Variants in DUSP8 observed in about 807,000 individuals in gnomAD.
DUSP8 encodes dual specificity protein phosphatase 8.
In DUSP8, 15 loss-of-function variants were observed where a neutral mutation model predicts 38.7. The observed-to-expected ratio is 0.39, with a 90% CI of 0.26 to 0.60. The LOEUF (loss-of-function observed/expected upper bound fraction) is 0.60. Among genes scored for constraint, DUSP8 ranks in the 20% least tolerant of loss-of-function variants. The probability of loss-of-function intolerance (pLI) is 0.56; values close to 1 mark genes in which losing one functional copy is unlikely to be tolerated. For synonymous variants in DUSP8, 458 were observed against 433.9 expected, an observed-to-expected ratio of 1.06 and a Z score of -0.69; for missense variants, 768 against 915.0, an observed-to-expected ratio of 0.84 and a Z score of 2.07.
rs758312848 is a variant in DUSP8 at position 1,558,301 on chromosome 11, G to C, written c.538-30C>G. On this transcript the variant is annotated intron_variant, in intron 4 of 6. Coordinates refer to ENST00000397374, the MANE Select transcript of DUSP8 (RefSeq NM_004420.3). The surrounding 1 kb of genome is among the most constrained non-coding windows in gnomAD (Gnocchi z 6.3). ...AGGGGCGGGAGGGCGGGTTGGAAAG[G>C]GGTGGGAGAAGCTCGGGGCGGGAGT... The C allele has an allele frequency of 1.4e-6, 2 of 1,468,380 alleles. No homozygotes were observed. The highest frequency in any genetic ancestry group is 1.9e-6 in the Non-Finnish European group (2 of 1,078,340). The allele number at this position is 1,468,380 out of a possible 1,614,324, so 91.0% of individuals were successfully genotyped here.
At chr11:1,559,643 C>T (rs1848688281) in intron 3 of DUSP8, among the ~76,000 whole-genome samples, 1 of 152,232 alleles carries the variant, frequency 6.6e-6, no homozygotes, top group Non-Finnish European at 1.5e-5. Context: ...TGACATCACC[C>T]TGGCACAGCC....
chr11:1,566,507 A>G (rs948829093), intron 1 of DUSP8, among the ~76,000 whole-genome samples: 9 of 152,198 alleles, frequency 5.9e-5, no homozygotes, highest in African/African-American at 1.9e-4. Flanking sequence ...TCCACTGGAG[A>G]GTGGGCTCCC....
At position 1,557,692 on chromosome 11, in the gene DUSP8, G is replaced by C; in HGVS notation, c.821+102C>G. 8 of 1,574,176 alleles carry C rather than the reference G, an allele frequency of 5.1e-6. No individual in the cohort carries two copies. The highest frequency in any genetic ancestry group is 6.9e-6 in the Non-Finnish European group (8 of 1,158,698). On this transcript the variant is annotated intron_variant, in intron 6 of 6. Transcript: ENST00000397374. The surrounding 1 kb of genome is among the most constrained non-coding windows in gnomAD (Gnocchi z 9.9). ...GGCTGGTCTCAGGCCCTCCTCCCTT[G>C]CCACGGGTCCTGGACGGTGGGGTCA...
At chr11:1,572,590 CG>C (rs1347875055), upstream of DUSP8, among the ~76,000 whole-genome samples, 2 of 151,548 alleles carry the variant, frequency 1.3e-5, no homozygotes, top group Admixed American at 6.6e-5. This position sits in a 1 kb window ranked among gnomAD's most constrained non-coding sequence, Gnocchi z 4.7. Context: ...CCCCGTCACC[CG>C]GGCCCCCGGC....
rs1163273469 is a variant in DUSP8, at chr11:1,556,839, C to T, written c.1557G>A (p.Ser519=). 5.2e-6 allele frequency: 6 copies of T among 1,148,624 alleles called. No homozygotes were observed. In the African/African-American group the frequency reaches 9.8e-5, roughly 19 times the overall value. The allele number at this position is 1,148,624 out of a possible 1,614,324, so 71.2% of individuals were successfully genotyped here. The part of the protein sequence containing the change: ...APPLDSPGTP[S]PDGPWCFSPE... ...GGCTGAAGCACCAGGGCCCGTCGGG[C>T]GACGGCGTGCCTGGGGAGTCGAGCG... Residue 519 remains serine, a synonymous_variant, in exon 7 of 7, where the codon TCG becomes TCA. Transcript: ENST00000397374. This position sits in a 1 kb window ranked among gnomAD's most constrained non-coding sequence, Gnocchi z 5.2.
chr11:1,557,080 C>A lies in DUSP8; in HGVS notation c.1316G>T (p.Ser439Ile), dbSNP rs1357789462. ...AGGCGCGGCGTCCGGGCTGTCCGGG[C>A]TGGGCGAGGACAGGCCCAGCGCGGC... ...SGAALGLSSP[S>I]PDSPDAAPEA... The change falls in exon 7 of 7, where the codon AGC becomes ATC. Residue 439 changes from serine (S) to isoleucine (I), a missense_variant. Coordinates refer to ENST00000397374, the MANE Select transcript of DUSP8 (RefSeq NM_004420.3). This position sits in a 1 kb window ranked among gnomAD's most constrained non-coding sequence, Gnocchi z 9.9. The A allele has an allele frequency of 1.6e-6, 2 of 1,273,220 alleles. No individual in the cohort carries two copies. The highest frequency in any genetic ancestry group is 9.9e-7 in the Non-Finnish European group (1 of 1,010,918). The allele number at this position is 1,273,220 out of a possible 1,614,324, so 78.9% of individuals were successfully genotyped here. A position where few individuals can be genotyped will look rare whatever the true frequency, so the allele number is the denominator to read the frequency against.
At chr11:1,567,339 C>T (rs1275579105) in intron 1 of DUSP8, among the ~76,000 whole-genome samples, 1 of 152,236 alleles carries the variant, frequency 6.6e-6, no homozygotes, top group Non-Finnish European at 1.5e-5. Context: ...CCATGCACTG[C>T]AAACAGCAGG....
rs1848586240 is a variant in DUSP8, at chr11:1,554,316, T to C, written c.*2202A>G. 1 of 152,342 alleles carries C rather than the reference T, an allele frequency of 6.6e-6. No homozygotes were observed. The highest frequency in any genetic ancestry group is 6.5e-5 in the Admixed American group (1 of 15,282). The allele number at this position is 152,342 out of a possible 1,614,324, so 9.4% of individuals were successfully genotyped here. Reference sequence around the variant, plus strand: ...CAGGTGGGAGGGGCCGGAGAGAGGCTTGGAGAGGACTCAGGGCTGGGTCAG... The same window carrying C: ...CAGGTGGGAGGGGCCGGAGAGAGGCCTGGAGAGGACTCAGGGCTGGGTCAG... On this transcript the variant is annotated 3_prime_UTR_variant, in exon 7 of 7. Coordinates refer to ENST00000397374, the MANE Select transcript of DUSP8 (RefSeq NM_004420.3).
In DUSP8 at chr11:1,558,641, G is replaced by A. The variant is rs1293547606; in HGVS notation, c.537+248C>T. ...GAGGCCCAGTGACATCCGCAGCTTG[G>A]CATGCCAGCTCCCCGCTCCTCCCCC... On this transcript the variant is annotated intron_variant, in intron 4 of 6. Coordinates refer to ENST00000397374, the MANE Select transcript of DUSP8 (RefSeq NM_004420.3). The surrounding 1 kb of genome is among the most constrained non-coding windows in gnomAD (Gnocchi z 6.3). Among the ~76,000 whole-genome samples, 2 of 152,136 alleles carry A rather than the reference G, an allele frequency of 1.3e-5. No homozygotes were observed. Among genetic ancestry groups the A allele is most frequent in the African/African-American group, 2.4e-5 (1 of 41,436 alleles).
chr11:1,572,445 T>A, upstream of DUSP8, among the ~76,000 whole-genome samples: 1 of 92,184 alleles, frequency 1.1e-5, no homozygotes, highest in Non-Finnish European at 2.3e-5. The surrounding 1 kb of genome is among the most constrained non-coding windows in gnomAD (Gnocchi z 4.7). Flanking sequence ...GGGGGCGGGG[T>A]GCAGGGTGCG....
Position 1,556,742 on chromosome 11 carries a change from C to A in DUSP8, c.1654G>T (p.Gly552Cys). ...FGRAGAPGPGGGSDLRRREAA... is the reference protein window; with the variant it reads ...FGRAGAPGPGCGSDLRRREAA... ...TCCCGCCGCCGCAGGTCGCTGCCGCCGCCTGGTCCCGGGGCGCCCGCCCGG... is the reference window on the plus strand; with the variant it reads ...TCCCGCCGCCGCAGGTCGCTGCCGCAGCCTGGTCCCGGGGCGCCCGCCCGG... Residue 552 changes from glycine (G) to cysteine (C), a missense_variant, in exon 7 of 7, where the codon GGC (glycine) becomes TGC (cysteine). Gly to Cys is a radical substitution (Grantham distance 159). Transcript: ENST00000397374. This position sits in a 1 kb window ranked among gnomAD's most constrained non-coding sequence, Gnocchi z 5.2. 8.2e-7 allele frequency: 1 copy of A among 1,220,378 alleles called. No homozygotes were observed. Among genetic ancestry groups the A allele is most frequent in the Non-Finnish European group, 1.0e-6 (1 of 980,432 alleles). 75.6% of individuals were successfully genotyped at this position (1,220,378 alleles called of 1,614,324 possible). A position where few individuals can be genotyped will look rare whatever the true frequency, so the allele number is the denominator to read the frequency against.
chr11:1,567,490 G>GGGCCCAGCCCCAACTCCACACT (rs1848821601), intron 1 of DUSP8, among the ~76,000 whole-genome samples: 5 of 152,226 alleles, frequency 3.3e-5, no homozygotes, highest in Non-Finnish European at 7.4e-5. Context: ...TCCACACTGA[G>GGGCCCAGCCCCAACTCCACACT]GGGCAGGTCC....
intron 2 of DUSP8, among the ~76,000 whole-genome samples, chr11:1,564,922 T>C (rs1363966070): frequency 6.6e-6 from 1 of 152,190 alleles, no homozygotes; most frequent in Non-Finnish European, 1.5e-5. Context: ...TTGTCACCCT[T>C]GTCCCCTGCG....
chr11:1,557,980 G>A lies in DUSP8; in HGVS notation c.698-63C>T. ...GACTGCACAGCTTCTCCCTGGCCCA[G>A]GTAGGGGACCCCACCCGCCCAACTG... is the stretch of plus-strand genomic sequence containing the variant. On this transcript the variant is annotated intron_variant, in intron 5 of 6. Coordinates refer to ENST00000397374, the MANE Select transcript of DUSP8 (RefSeq NM_004420.3). The surrounding 1 kb of genome is among the most constrained non-coding windows in gnomAD (Gnocchi z 9.9). 3.1e-6 allele frequency: 5 copies of A among 1,611,420 alleles called. No homozygotes were observed. Among genetic ancestry groups the A allele is most frequent in the Non-Finnish European group, 8.5e-7 (1 of 1,178,632 alleles).
At position 1,555,887 on chromosome 11, in the gene DUSP8, A is replaced by T. The variant is rs1366505178; in HGVS notation, c.*631T>A. 2.0e-5 allele frequency: 3 copies of T among 152,184 alleles called. No individual in the cohort carries two copies. Among genetic ancestry groups the T allele is most frequent in the African/African-American group, 7.2e-5 (3 of 41,410 alleles). The allele number at this position is 152,184 out of a possible 1,614,324, so 9.4% of individuals were successfully genotyped here. On this transcript the variant is annotated 3_prime_UTR_variant, in exon 7 of 7. Transcript: ENST00000397374. Reference sequence around the variant, plus strand: ...GAACACCCTGGCACCATGAAGCCCAATGCCTGTCCTCCCCTGCCAGAGAAC... The same window carrying T: ...GAACACCCTGGCACCATGAAGCCCATTGCCTGTCCTCCCCTGCCAGAGAAC...
chr11:1,562,676 T>G (rs1289296010), intron 3 of DUSP8, among the ~76,000 whole-genome samples: 1 of 140,560 alleles, frequency 7.1e-6, no homozygotes, highest in Non-Finnish European at 1.5e-5. Flanking sequence ...TGCACACACA[T>G]ACATGCATGC....
chr11:1,563,919 G>A lies in DUSP8; in HGVS notation c.302C>T (p.Ala101Val). Residue 101 changes from alanine to valine, a missense_variant, in exon 3 of 7, where the codon GCA becomes GTA. Physicochemically the swap from Ala to Val is moderately conservative, Grantham distance 64 (BLOSUM62 0). This residue lies in a region of DUSP8 where 252 missense variants were observed against 410.4 expected (regional missense o/e 0.61). Transcript: ENST00000397374. ...CAGCAGGATGGAGAGGAAGCTGTCTGCGGCCAGCACGCTGGCGTCCCGCGT... is the reference window on the plus strand; with the variant it reads ...CAGCAGGATGGAGAGGAAGCTGTCTACGGCCAGCACGCTGGCGTCCCGCGT... ...QSTRDASVLA[A>V]DSFLSILLSK... The A allele has an allele frequency of 6.5e-7, 1 of 1,548,770 alleles. No individual in the cohort carries two copies. Among genetic ancestry groups the A allele is most frequent in the Non-Finnish European group, 8.7e-7 (1 of 1,146,116 alleles).
In DUSP8 at chr11:1,555,606, C is replaced by A. The variant is rs1315436204; in HGVS notation, c.*912G>T. 2.6e-6 allele frequency: 1 copy of A among 380,332 alleles called. No homozygotes were observed. The highest frequency in any genetic ancestry group is 3.6e-6 in the Non-Finnish European group (1 of 276,940). 23.6% of individuals were successfully genotyped at this position (380,332 alleles called of 1,614,324 possible). On this transcript the variant is annotated 3_prime_UTR_variant, in exon 7 of 7. Transcript: ENST00000397374. ...GCTAGCCAGGCGCCTCCTGCCTGACCCCCGGAGGCCAAGCTCCTCTCCTGC... is the reference window on the plus strand; with the variant it reads ...GCTAGCCAGGCGCCTCCTGCCTGACACCCGGAGGCCAAGCTCCTCTCCTGC...
Position 1,556,883 on chromosome 11 carries a change from G to A in DUSP8, c.1513C>T (p.Pro505Ser). Residue 505 changes from proline (P) to serine (S), a missense_variant, in exon 7 of 7, where the codon CCC becomes TCC. Coordinates refer to ENST00000397374, the MANE Select transcript of DUSP8 (RefSeq NM_004420.3). The surrounding 1 kb of genome is among the most constrained non-coding windows in gnomAD (Gnocchi z 5.2). Reference sequence around the variant, plus strand: ...TCGAGCGGCGGTGCCCAGGCCCCGGGGCCGGCCGGCTGGCCAGGGCCGGGC... The same window carrying A: ...TCGAGCGGCGGTGCCCAGGCCCCGGAGCCGGCCGGCTGGCCAGGGCCGGGC... ...GLPGPGQPAG[P>S]GAWAPPLDSP... is the part of the protein sequence containing the mutation. 1 of 1,103,366 alleles carries A rather than the reference G, an allele frequency of 9.1e-7. No homozygotes were observed. Among genetic ancestry groups the A allele is most frequent in the Non-Finnish European group, 1.1e-6 (1 of 906,310 alleles). The allele number at this position is 1,103,366 out of a possible 1,614,324, so 68.3% of individuals were successfully genotyped here.
Sources: gnomAD v4.1 joint callset for allele counts (sites outside exome capture counted in the v4.1 genomes callset) on GRCh38, gnomAD v4.1.1 for gene constraint, gnomAD v4.1.1 regional missense constraint, Gnocchi (gnomAD v3.1) non-coding constraint, MANE v1.5 for transcripts, NCBI Gene and HGNC (gene_info 2026-07-23, HGNC 2026-07-21) for gene names.